The following PXDNL variants were observed in gnomAD, a reference collection of about 807,000 sequenced individuals.
PXDNL encodes probable oxidoreductase PXDNL.
In PXDNL, 145 loss-of-function variants were observed where a neutral mutation model predicts 150.8. That is an observed-to-expected ratio of 0.96 (90% CI 0.84 to 1.10). The LOEUF (loss-of-function observed/expected upper bound fraction) is 1.10. Ranked by LOEUF, PXDNL falls within the 50% of genes least tolerant of loss-of-function variation. The pLI is 0.00. For synonymous variants in PXDNL, 757 were observed against 725.7 expected (o/e 1.04, Z -0.69); for missense variants, 2,087 against 1,873.9 (o/e 1.11, Z -2.10).
intron 1 of PXDNL, among the ~76,000 whole-genome samples, chr8:51,717,014 A>C (rs1288566983): frequency 6.6e-6 from 1 of 152,238 alleles, no homozygotes; most frequent in African/African-American, 2.4e-5. Context: ...TATTTGCACC[A>C]TACAAGACCA....
intron 1 of PXDNL, among the ~76,000 whole-genome samples, chr8:51,799,437 G>A (rs911756229): frequency 1.3e-5 from 2 of 152,092 alleles, no homozygotes; most frequent in Admixed American, 6.6e-5. Context: ...GAAAATGTGA[G>A]GTACAAGTAA....
intron 2 of PXDNL, among the ~76,000 whole-genome samples, chr8:51,600,986 A>ATCT (rs1384435339): frequency 6.9e-6 from 1 of 145,448 alleles, no homozygotes; most frequent in African/African-American, 2.5e-5. Flanking sequence ...AATTAATTAT[A>ATCT]TCTTATATAA....
At chr8:51,723,716 C>G (rs1231175136) in intron 1 of PXDNL, among the ~76,000 whole-genome samples, 1 of 152,150 alleles carries the variant, frequency 6.6e-6, no homozygotes. Context: ...ACCAGCAGGT[C>G]GACAAAGTTC....
chr8:51,672,905 T>A (rs1000698610), intron 1 of PXDNL, among the ~76,000 whole-genome samples: 1 of 152,320 alleles, frequency 6.6e-6, no homozygotes, highest in Admixed American at 6.5e-5. Flanking sequence ...AATATATTCC[T>A]GATTTGCTGT....
chr8:51,736,402 T>C (rs1299061089), intron 1 of PXDNL, among the ~76,000 whole-genome samples: 3 of 152,300 alleles, frequency 2.0e-5, no homozygotes, highest in Admixed American at 2.0e-4. Flanking sequence ...TAATGACCCC[T>C]TAAAGCCACT....
chr8:51,320,978 A>AAG (rs2130596485), intron 21 of PXDNL, 81 bp from the exon 22 acceptor site: 1 of 1,036,202 alleles, frequency 9.7e-7, no homozygotes, highest in East Asian at 2.4e-5. Flanking sequence ...GTTTGATGAA[A>AAG]TGCTCTATTC....
At chr8:51,671,787 C>T (rs1008157054) in intron 1 of PXDNL, among the ~76,000 whole-genome samples, 7 of 152,144 alleles carry the variant, frequency 4.6e-5, no homozygotes, top group East Asian at 1.9e-4. Flanking sequence ...GACTTCATCA[C>T]GTGTCAGAAC....
intron 1 of PXDNL, among the ~76,000 whole-genome samples, chr8:51,771,463 G>A (rs567206349): frequency 1.7e-4 from 26 of 152,152 alleles, no homozygotes; most frequent in African/African-American, 2.4e-4. Context: ...GCGGTGACAC[G>A]CAAAGTGCCC....
At chr8:51,601,042 T>TTA (rs552718023) in intron 2 of PXDNL, among the ~76,000 whole-genome samples, 1,525 of 146,996 alleles carry the variant, frequency 0.01, 15 homozygotes, top group South Asian at 0.023. Context: ...AAATTATATC[T>TTA]TATAAATATA....
chr8:51,582,774 T>C (rs1240609068), intron 3 of PXDNL, among the ~76,000 whole-genome samples: 2 of 152,154 alleles, frequency 1.3e-5, no homozygotes, highest in Admixed American at 6.5e-5. Context: ...AGCAGTCTTT[T>C]GAAATTAGTC....
intron 12 of PXDNL, among the ~76,000 whole-genome samples, chr8:51,428,189 A>G (rs1381983638): frequency 2.0e-5 from 3 of 152,346 alleles, no homozygotes; most frequent in African/African-American, 4.8e-5. Context: ...TAAACTAAAA[A>G]CTACAAAATA....
intron 1 of PXDNL, among the ~76,000 whole-genome samples, chr8:51,782,279 A>T (rs546223026): frequency 1.2e-4 from 18 of 152,172 alleles, no homozygotes; most frequent in Non-Finnish European, 2.5e-4. Context: ...AAGCAGTCAC[A>T]GCACCTCCAG....
At chr8:51,743,310 C>T (rs558799050) in intron 1 of PXDNL, among the ~76,000 whole-genome samples, 27 of 152,100 alleles carry the variant, frequency 1.8e-4, no homozygotes, top group African/African-American at 6.3e-4. Context: ...CTCCGCCTCC[C>T]GGGTTCAAGC....
rs1807242185 is a variant in PXDNL at position 51,374,654 on chromosome 8, C to T, written c.3635G>A (p.Gly1212Glu). The T allele has an allele frequency of 1.9e-6, 3 of 1,613,830 alleles. No individual in the cohort carries two copies. Among genetic ancestry groups the T allele is most frequent in the Non-Finnish European group, 2.5e-6 (3 of 1,179,822 alleles). ...AACAAACAGGCACATAAGTGTTGGT[C>T]CCACTCTTGTACCAGGAATCAGGTC... The part of the protein sequence containing the change: ...VEDLIPGTRV[G>E]PTLMCLFVTQ... Residue 1212 changes from glycine (G) to glutamate (E), a missense_variant, in exon 18 of 23, where the codon GGA becomes GAA. By Grantham distance (98) the Gly-to-Glu change is moderately conservative. Coordinates refer to ENST00000356297, the MANE Select transcript of PXDNL (RefSeq NM_144651.5).
intron 14 of PXDNL, among the ~76,000 whole-genome samples, chr8:51,414,491 A>G (rs1161658472): frequency 6.6e-6 from 1 of 151,734 alleles, no homozygotes; most frequent in Non-Finnish European, 1.5e-5. Context: ...GATTATGTGC[A>G]GCAATTCTGA....
At chr8:51,661,521 G>A (rs1417763495) in intron 1 of PXDNL, among the ~76,000 whole-genome samples, 1 of 152,222 alleles carries the variant, frequency 6.6e-6, no homozygotes, top group Non-Finnish European at 1.5e-5. Context: ...GAAAGCCCCA[G>A]GTCCGCTGAG....
At chr8:51,755,322 C>T (rs1321096350) in intron 1 of PXDNL, among the ~76,000 whole-genome samples, 1 of 148,282 alleles carries the variant, frequency 6.7e-6, no homozygotes, top group Non-Finnish European at 1.5e-5. Flanking sequence ...GAGACAGAGT[C>T]TCGCTGTTGT....
chr8:51,594,759 T>G (rs1360534133), intron 2 of PXDNL, among the ~76,000 whole-genome samples: 4 of 152,212 alleles, frequency 2.6e-5, no homozygotes, highest in Non-Finnish European at 4.4e-5. Flanking sequence ...ATCTTTATTA[T>G]AATTTTAATG....
intron 1 of PXDNL, among the ~76,000 whole-genome samples, chr8:51,691,542 C>A: frequency 6.6e-6 from 1 of 150,470 alleles, no homozygotes; most frequent in African/African-American, 2.4e-5. Context: ...CAAACATTTA[C>A]AAGTAAGTTT....
Sources: allele counts gnomAD v4.1 joint callset (sites outside exome capture counted in the v4.1 genomes callset), GRCh38; gene constraint gnomAD v4.1.1; transcripts MANE v1.5; gene names NCBI Gene and HGNC (gene_info 2026-07-23, HGNC 2026-07-21).